HELZ: variants seen among roughly 807,000 people sequenced by gnomAD.
HELZ encodes the protein helicase with zinc finger.
In HELZ, 23 loss-of-function variants were observed where a neutral mutation model predicts 218.2. The observed-to-expected ratio is 0.11, with a 90% CI of 0.08 to 0.15. The LOEUF is 0.15. HELZ is among the 10% of genes least tolerant of loss of function. The pLI, the probability that HELZ is intolerant of heterozygous loss-of-function variation, is 1.00. For missense variants in HELZ, 1,813 were observed against 2,353.7 expected (o/e 0.77, Z 4.75); for synonymous variants, 814 against 829.4 (o/e 0.98, Z 0.32).
At chr17:67,123,897 G>T in intron 25 of HELZ, 66 bp downstream of exon 25, 1 of 1,096,270 alleles carries the variant, frequency 9.1e-7, no homozygotes, top group Non-Finnish European at 1.4e-6. Flanking sequence ...CTTTCTTGTG[G>T]TGAAATTTGG....
At chr17:67,217,694 T>C (rs2040636338) in intron 4 of HELZ, among the ~76,000 whole-genome samples, 1 of 152,192 alleles carries the variant, frequency 6.6e-6, no homozygotes, top group Admixed American at 6.5e-5. Context: ...CTTCTGCTGC[T>C]GGGTCTGTTT....
In HELZ at chr17:67,245,160, T is replaced by C. The variant is rs944415699; in HGVS notation, c.-144A>G. 4.6e-5 allele frequency: 45 copies of C among 985,102 alleles called. No homozygotes were observed. The African/African-American group carries it at 7.0e-4, about 15-fold the overall frequency. The allele number at this position is 985,102 out of a possible 1,614,324, so 61.0% of individuals were successfully genotyped here. ...AGTCAGGACTTACCTGTCATTACTT[T>C]CTACGCCATCTTGGATCCACTTGTC... On this transcript the variant is annotated 5_prime_UTR_variant, in exon 1 of 33. Transcript: ENST00000358691.
intron 5 of HELZ, among the ~76,000 whole-genome samples, chr17:67,207,167 C>T (rs1216487577): frequency 2.7e-5 from 4 of 150,818 alleles, no homozygotes; most frequent in Admixed American, 6.6e-5. Flanking sequence ...CCGCCTCTGC[C>T]TCCCAAAGTG....
chr17:67,225,583 T>G (rs1437999325), intron 3 of HELZ: 4 of 152,322 alleles, frequency 2.6e-5, no homozygotes, highest in African/African-American at 9.6e-5. Flanking sequence ...GATTACCATT[T>G]TAAAAAATGT....
chr17:67,218,491 C>T, intron 4 of HELZ, 104 bp downstream of exon 4: 1 of 879,908 alleles, frequency 1.1e-6, no homozygotes, highest in East Asian at 2.4e-5. Flanking sequence ...AGCCACTTCA[C>T]TCACATCTCT....
Position 67,173,088 on chromosome 17 carries a change from GAAATA to G in HELZ, c.1431-5297_1431-5293del, listed in dbSNP as rs1004128263. 144 of 954,032 alleles carry G rather than the reference GAAATA, an allele frequency of 1.5e-4. 1 individual carries two copies. Among genetic ancestry groups the G allele is most frequent in the Non-Finnish European group, 1.7e-4 (139 of 801,228 alleles). The allele number at this position is 954,032 out of a possible 1,614,324, so 59.1% of individuals were successfully genotyped here. On this transcript the variant is annotated intron_variant, in intron 13 of 32. Transcript: ENST00000358691. ...GAGGTAGAGGCACCAGAAGTGCTAA[GAAATA>G]AAATAAAATAAAAGTCCTAAGAAAT...
chr17:67,212,866 G>A (rs960342068), intron 5 of HELZ, among the ~76,000 whole-genome samples: 1 of 152,014 alleles, frequency 6.6e-6, no homozygotes, highest in African/African-American at 2.4e-5. Context: ...GAGATTAGTG[G>A]GTCAAAGGGT....
At chr17:67,093,338 G>A (rs1404338867) in intron 31 of HELZ, among the ~76,000 whole-genome samples, 1 of 151,948 alleles carries the variant, frequency 6.6e-6, no homozygotes, top group East Asian at 1.9e-4. Flanking sequence ...ATCAAAGTAT[G>A]ACAGGAAATA....
chr17:67,220,241 A>C (rs1263221063), intron 3 of HELZ, among the ~76,000 whole-genome samples: 2 of 152,156 alleles, frequency 1.3e-5, no homozygotes, highest in African/African-American at 2.4e-5. Context: ...AGGGGAGAAA[A>C]GTCATTGATG....
At chr17:67,121,225 T>C (rs1209072178) in intron 26 of HELZ, among the ~76,000 whole-genome samples, 1 of 152,210 alleles carries the variant, frequency 6.6e-6, no homozygotes, top group Non-Finnish European at 1.5e-5. Flanking sequence ...TCTCTGCATA[T>C]TAACACAAAA....
chr17:67,143,326 G>A (rs2038391891), intron 21 of HELZ, among the ~76,000 whole-genome samples: 1 of 152,018 alleles, frequency 6.6e-6, no homozygotes, highest in Admixed American at 6.6e-5. Context: ...ACTATACCTT[G>A]GCCCGGTGTG....
chr17:67,173,198 T>A, intron 13 of HELZ: 3 of 170,164 alleles, frequency 1.8e-5, no homozygotes, highest in Non-Finnish European at 3.5e-5. Context: ...ATAGCTATAC[T>A]AATAATTAAT....
intron 11 of HELZ, among the ~76,000 whole-genome samples, chr17:67,189,130 A>T (rs1405771300): frequency 6.6e-6 from 1 of 152,208 alleles, no homozygotes; most frequent in East Asian, 1.9e-4. Context: ...AACTTTGACT[A>T]CTATAATTTA....
intron 20 of HELZ, 150 bp downstream of exon 20, chr17:67,148,419 A>T: frequency 1.6e-6 from 1 of 627,684 alleles, no homozygotes; most frequent in Non-Finnish European, 2.6e-6. Flanking sequence ...GTTTTCTTTT[A>T]AAGACATAAA....
At chr17:67,238,501 G>C (rs1041327106) in intron 3 of HELZ, among the ~76,000 whole-genome samples, 1 of 152,076 alleles carries the variant, frequency 6.6e-6, no homozygotes, top group Non-Finnish European at 1.5e-5. Flanking sequence ...GGCCAACATG[G>C]TAAAGCCCTG....
At chr17:67,130,492 C>T (rs1598286634) in intron 23 of HELZ, among the ~76,000 whole-genome samples, 1 of 152,098 alleles carries the variant, frequency 6.6e-6, no homozygotes, top group Non-Finnish European at 1.5e-5. Flanking sequence ...AAGACTAAGG[C>T]TAATAAGACA....
chr17:67,095,391 C>CA (rs1423765927), intron 31 of HELZ, among the ~76,000 whole-genome samples: 1 of 151,810 alleles, frequency 6.6e-6, no homozygotes, highest in Non-Finnish European at 1.5e-5. Context: ...CAAAACAAAA[C>CA]AAAAAAATTA....
intron 7 of HELZ, among the ~76,000 whole-genome samples, chr17:67,196,558 ATGGT>A (rs945738052): frequency 1.4e-5 from 2 of 141,938 alleles, no homozygotes; most frequent in East Asian, 2.1e-4. Flanking sequence ...AAACAGATAG[ATGGT>A]TGGTTAGTTG....
chr17:67,145,869 A>G lies in HELZ; in HGVS notation c.2643T>C (p.Tyr881=), dbSNP rs2038477996. 1 of 1,613,666 alleles carries G rather than the reference A, an allele frequency of 6.2e-7. No homozygotes were observed. The highest frequency in any genetic ancestry group is 1.7e-5 in the Admixed American group (1 of 59,956). ...AIINYTSELF[Y]EGKLMASGKQ... is the part of the protein sequence containing the mutation. ...TCCCACTGGCCATCAGTTTGCCCTC[A>G]TAGAAAAGCTCAGAGGTATAACTGC... The change falls in exon 21 of 33, where the codon TAT becomes TAC. Residue 881 remains tyrosine, a synonymous_variant. Coordinates refer to ENST00000358691, the MANE Select transcript of HELZ (RefSeq NM_014877.4).
Sources: gnomAD v4.1 joint callset for allele counts (sites outside exome capture counted in the v4.1 genomes callset) on GRCh38, gnomAD v4.1.1 for gene constraint, MANE v1.5 for transcripts, NCBI Gene and HGNC (gene_info 2026-07-23, HGNC 2026-07-21) for gene names.